PTPRK: variants seen among roughly 807,000 people sequenced by gnomAD.
PTPRK encodes the protein protein tyrosine phosphatase receptor type K.
A neutral mutation model predicts 178.0 loss-of-function variants in PTPRK; 75 were observed. That is an observed-to-expected ratio of 0.42 (90% confidence interval 0.35 to 0.51). PTPRK has a LOEUF of 0.51. Among genes scored for constraint, PTPRK ranks in the 20% least tolerant of loss-of-function variants. The pLI is 0.02. For missense variants in PTPRK, 1,441 were observed against 1,797.8 expected (o/e 0.80, Z 3.59); for synonymous variants, 637 against 620.6 (o/e 1.03, Z -0.39).
At chr6:128,262,537 G>T (rs1230792247) in intron 3 of PTPRK, among the ~76,000 whole-genome samples, 1 of 151,926 alleles carries the variant, frequency 6.6e-6, no homozygotes, top group Non-Finnish European at 1.5e-5. Flanking sequence ...CTTTCATATA[G>T]GTAAGCCCTA....
chr6:128,272,685 C>T lies in PTPRK; in HGVS notation c.496-30083G>A, dbSNP rs142667360. Among the ~76,000 whole-genome samples the T allele has an allele frequency of 5.2e-4, 79 of 152,144 alleles. 1 individual carries two copies. In the East Asian group the frequency reaches 0.013, roughly 25 times the overall value. Reference sequence around the variant, plus strand: ...TGCCATCTCACACCAGTTAGAATGGCGATCATTAAAAAGTCAGGAAACAAC... The same window carrying T: ...TGCCATCTCACACCAGTTAGAATGGTGATCATTAAAAAGTCAGGAAACAAC... On this transcript the variant is annotated intron_variant, in intron 3 of 29. Coordinates refer to ENST00000368226, the MANE Select transcript of PTPRK (RefSeq NM_002844.4).
At chr6:128,038,604 G>A (rs59478185) in intron 13 of PTPRK, among the ~76,000 whole-genome samples, 4,340 of 152,220 alleles carry the variant, frequency 0.029, 218 homozygotes, top group African/African-American at 0.1. Context: ...AAATCAAGAT[G>A]ATTTAGAATC....
intron 14 of PTPRK, among the ~76,000 whole-genome samples, chr6:128,007,008 T>C (rs1220121143): frequency 6.6e-6 from 1 of 150,850 alleles, no homozygotes; most frequent in African/African-American, 2.4e-5. Context: ...CACTAAAATG[T>C]AGATAAGAGG....
chr6:128,006,877 AT>A (rs2114710973), intron 14 of PTPRK, among the ~76,000 whole-genome samples: 1 of 151,054 alleles, frequency 6.6e-6, no homozygotes, highest in African/African-American at 2.4e-5. Flanking sequence ...ACTTTACTCA[AT>A]TGAATTATAC....
At chr6:127,981,926 A>G (rs1775385806) in intron 24 of PTPRK, among the ~76,000 whole-genome samples, 1 of 151,858 alleles carries the variant, frequency 6.6e-6, no homozygotes, top group African/African-American at 2.4e-5. Context: ...GGGTTAAGCA[A>G]ACTTCCAGGG....
At chr6:128,034,170 T>C (rs1775817828) in intron 13 of PTPRK, among the ~76,000 whole-genome samples, 1 of 152,196 alleles carries the variant, frequency 6.6e-6, no homozygotes, top group Admixed American at 6.5e-5. Context: ...CAAAGGGCAG[T>C]ACATTCTTTT....
intron 2 of PTPRK, among the ~76,000 whole-genome samples, chr6:128,342,584 T>G (rs914730466): frequency 6.6e-6 from 1 of 151,918 alleles, no homozygotes; most frequent in East Asian, 1.9e-4. Context: ...AGGCTCATTA[T>G]GTAGTTATAC....
chr6:128,364,323 GCATT>G (rs1351512676), intron 2 of PTPRK, among the ~76,000 whole-genome samples: 1 of 151,796 alleles, frequency 6.6e-6, no homozygotes, highest in East Asian at 1.9e-4. Flanking sequence ...AAAGCAAACG[GCATT>G]CAAACAATTT....
intron 13 of PTPRK, among the ~76,000 whole-genome samples, chr6:128,060,077 C>A (rs1780557215): frequency 6.6e-6 from 1 of 151,962 alleles, no homozygotes; most frequent in Non-Finnish European, 1.5e-5. Context: ...GAGAGAGGTT[C>A]CGGGGTCCAA....
chr6:128,236,645 C>A (rs374449611), intron 5 of PTPRK, among the ~76,000 whole-genome samples: 1 of 152,102 alleles, frequency 6.6e-6, no homozygotes, highest in African/African-American at 2.4e-5. Flanking sequence ...CTGCGCCCGA[C>A]CCTAAATTTC....
chr6:128,092,831 T>C (rs1787220307), intron 7 of PTPRK, among the ~76,000 whole-genome samples: 1 of 152,176 alleles, frequency 6.6e-6, no homozygotes, highest in Non-Finnish European at 1.5e-5. Flanking sequence ...AACTGCATTG[T>C]ATTTCTGAGG....
At chr6:128,330,891 A>G (rs1478218404) in intron 2 of PTPRK, among the ~76,000 whole-genome samples, 1 of 151,460 alleles carries the variant, frequency 6.6e-6, no homozygotes, top group African/African-American at 2.4e-5. Context: ...AAAACAAAAC[A>G]AAACAAAACA....
chr6:128,388,388 T>C (rs1042280447), intron 2 of PTPRK, among the ~76,000 whole-genome samples: 3 of 152,172 alleles, frequency 2.0e-5, no homozygotes, highest in Non-Finnish European at 4.4e-5. Flanking sequence ...TCTGAATTAT[T>C]GATGAAATCA....
rs558550579 is a variant in PTPRK, at chr6:128,108,614, C to A, written c.1163-18622G>T. Reference sequence around the variant, plus strand: ...TTGACAGATGCAAAAACAATATTCTCTTTAACACTGCACAGAGTTTACATT... The same window carrying A: ...TTGACAGATGCAAAAACAATATTCTATTTAACACTGCACAGAGTTTACATT... On this transcript the variant is annotated intron_variant, in intron 7 of 29. Coordinates refer to ENST00000368226, the MANE Select transcript of PTPRK (RefSeq NM_002844.4). Among the ~76,000 whole-genome samples, 25 of 152,212 alleles carry A rather than the reference C, an allele frequency of 1.6e-4. 1 individual carries two copies. The South Asian group carries it at 5.0e-3, about 30-fold the overall frequency.
chr6:128,373,408 T>C (rs1836576433), intron 2 of PTPRK, among the ~76,000 whole-genome samples: 1 of 152,190 alleles, frequency 6.6e-6, no homozygotes, highest in Non-Finnish European at 1.5e-5. Flanking sequence ...TCCATTACAT[T>C]GATGTTTATC....
At chr6:128,243,541 C>T (rs888694263) in intron 3 of PTPRK, among the ~76,000 whole-genome samples, 7 of 144,508 alleles carry the variant, frequency 4.8e-5, no homozygotes, top group African/African-American at 1.8e-4. Flanking sequence ...AAAAGATTAG[C>T]TGGGTGTGGT....
chr6:127,979,752 T>C (rs1184739099), intron 25 of PTPRK, among the ~76,000 whole-genome samples: 2 of 152,204 alleles, frequency 1.3e-5, no homozygotes, highest in Non-Finnish European at 1.5e-5. Context: ...CCTGTTATAG[T>C]CAGAAAGAAA....
intron 6 of PTPRK, among the ~76,000 whole-genome samples, chr6:128,218,335 T>G (rs1809725472): frequency 6.6e-6 from 1 of 152,240 alleles, no homozygotes. Flanking sequence ...GCACTTGTAC[T>G]TTTCCAGTAT....
At chr6:128,474,415 T>C (rs1260575713) in intron 1 of PTPRK, among the ~76,000 whole-genome samples, 1 of 152,078 alleles carries the variant, frequency 6.6e-6, no homozygotes, top group Non-Finnish European at 1.5e-5. Flanking sequence ...CTAACTCACC[T>C]GATCCTAGGA....
Sources: allele counts gnomAD v4.1 joint callset (sites outside exome capture counted in the v4.1 genomes callset), GRCh38; gene constraint gnomAD v4.1.1; transcripts MANE v1.5; gene names NCBI Gene and HGNC (gene_info 2026-07-23, HGNC 2026-07-21).